HEY2: variants seen among roughly 807,000 people sequenced by gnomAD.
The protein encoded by HEY2 is hes related family bHLH transcription factor with YRPW motif 2.
A neutral mutation model predicts 18.1 loss-of-function variants in HEY2; 10 were observed. That is an observed-to-expected ratio of 0.55 (90% CI 0.34 to 0.94). The LOEUF (loss-of-function observed/expected upper bound fraction) is 0.94, where lower values mean the gene tolerates loss of function less well. Ranked by LOEUF, HEY2 falls within the 40% of genes least tolerant of loss-of-function variation. The pLI, the probability that HEY2 is intolerant of heterozygous loss-of-function variation, is 0.02. For missense variants in HEY2, 455 were observed against 455.9 expected (o/e 1.00, Z 0.02); for synonymous variants, 210 against 182.7 (o/e 1.15, Z -1.21).
At position 125,759,563 on chromosome 6, in the gene HEY2, T is replaced by C. The variant is rs1228763260; in HGVS notation, c.775T>C (p.Ser259Pro). ...GCCACCTCTCTCCACCTCTCTCTTG[T>C]CCCTCTCTGCCACCGTCCACGCCGC... Reference protein sequence around the residue: ...CVPPLSTSLLSLSATVHAAAA... With the variant: ...CVPPLSTSLLPLSATVHAAAA... The change falls in exon 5 of 5, where the codon TCC becomes CCC. Residue 259 changes from serine (S) to proline (P), a missense_variant. Coordinates refer to ENST00000368364, the MANE Select transcript of HEY2 (RefSeq NM_012259.3). 1 of 1,610,836 alleles carries C rather than the reference T, an allele frequency of 6.2e-7. No homozygotes were observed. Among genetic ancestry groups the C allele is most frequent in the South Asian group, 1.1e-5 (1 of 91,064 alleles).
Position 125,751,880 on chromosome 6 carries a change from G to A in HEY2, c.162+1G>A. ...TATGGCAAGAAAGAAAAGGAGAGGGGTATGTGATTTTTCCCCCTTTTTATT... is the reference window on the plus strand; with the variant it reads ...TATGGCAAGAAAGAAAAGGAGAGGGATATGTGATTTTTCCCCCTTTTTATT... On this transcript the variant is annotated splice_donor_variant, in intron 2 of 4. Coordinates refer to ENST00000368364, the MANE Select transcript of HEY2 (RefSeq NM_012259.3). LOFTEE classifies it high-confidence loss of function. The A allele has an allele frequency of 6.2e-7, 1 of 1,610,936 alleles. No individual in the cohort carries two copies. Among genetic ancestry groups the A allele is most frequent in the Non-Finnish European group, 8.5e-7 (1 of 1,177,430 alleles).
chr6:125,754,325 G>A (rs1004046827), intron 3 of HEY2, 140 bp from the exon 4 acceptor site: 3 of 431,002 alleles, frequency 7.0e-6, no homozygotes, highest in East Asian at 3.6e-5. Context: ...GAAAGAATTC[G>A]AAGTTTTCTG....
chr6:125,759,160 A>G lies in HEY2; in HGVS notation c.372A>G (p.Ile124Met), dbSNP rs751639135. The G allele has an allele frequency of 1.9e-6, 3 of 1,612,588 alleles. No individual in the cohort carries two copies. The highest frequency in any genetic ancestry group is 2.5e-6 in the Non-Finnish European group (3 of 1,179,314). The change falls in exon 5 of 5, where the codon ATA becomes ATG. Residue 124 changes from isoleucine to methionine, a missense_variant. Coordinates refer to ENST00000368364, the MANE Select transcript of HEY2 (RefSeq NM_012259.3). Reference sequence around the variant, plus strand: ...CTCTTGCCATGGACTTCATGAGCATAGGATTCCGAGAGTGCCTAACAGAAG... The same window carrying G: ...CTCTTGCCATGGACTTCATGAGCATGGGATTCCGAGAGTGCCTAACAGAAG... ...AHALAMDFMS[I>M]GFRECLTEVA...
At chr6:125,758,229 A>G (rs959682207) in intron 4 of HEY2, among the ~76,000 whole-genome samples, 1 of 152,236 alleles carries the variant, frequency 6.6e-6, no homozygotes, top group African/African-American at 2.4e-5. Context: ...ATCTTCAGAC[A>G]GAGACTCAGA....
Position 125,751,832 on chromosome 6 carries a change from TCTC to T in HEY2, c.117_119del (p.Pro40del). 4 of 1,613,618 alleles carry T rather than the reference TCTC, an allele frequency of 2.5e-6. No homozygotes were observed. The highest frequency in any genetic ancestry group is 2.2e-5 in the East Asian group (1 of 44,866). On this transcript the variant is annotated inframe_deletion, in exon 2 of 5. Coordinates refer to ENST00000368364, the MANE Select transcript of HEY2 (RefSeq NM_012259.3). Reference sequence around the variant, plus strand: ...TACTAGCTCTGTGATTAGATTGAATTCTCCAACAACAACATCTCAGATTATGGC... The same window carrying T: ...TACTAGCTCTGTGATTAGATTGAATTCAACAACAACATCTCAGATTATGGC...
intron 3 of HEY2, 76 bp downstream of exon 3, chr6:125,752,166 C>T (rs1031749606): frequency 1.3e-5 from 10 of 750,688 alleles, no homozygotes; most frequent in South Asian, 7.6e-5. Flanking sequence ...CAATCTGATT[C>T]GCTCATCTGG....
In HEY2 at chr6:125,751,792, A is replaced by G. The variant is rs78973595; in HGVS notation, c.84-9A>G. On this transcript the variant is annotated splice_polypyrimidine_tract_variant and intron_variant, in intron 1 of 4. Transcript: ENST00000368364. Reference sequence around the variant, plus strand: ...ATGCAGCACCTGACATACTCTTCTTATTTCATAGGCAAAGTACTAGCTCTG... The same window carrying G: ...ATGCAGCACCTGACATACTCTTCTTGTTTCATAGGCAAAGTACTAGCTCTG... 7.2e-4 allele frequency: 1,156 copies of G among 1,595,352 alleles called. 13 individuals carry two copies. In the African/African-American group the frequency reaches 0.014, roughly 20 times the overall value.
intron 4 of HEY2, among the ~76,000 whole-genome samples, chr6:125,754,810 G>C (rs1773623989): frequency 6.6e-6 from 1 of 152,168 alleles, no homozygotes; most frequent in Non-Finnish European, 1.5e-5. Context: ...ATTCACAGCA[G>C]CCTGGTCAGA....
At chr6:125,754,718 G>A (rs545701475) in intron 4 of HEY2, among the ~76,000 whole-genome samples, 172 bp downstream of exon 4, 7 of 152,262 alleles carry the variant, frequency 4.6e-5, no homozygotes, top group Non-Finnish European at 8.8e-5. Context: ...GATTGAACTC[G>A]TGGGAAAGAA....
At chr6:125,753,569 GAA>G (rs573619783) in intron 3 of HEY2, among the ~76,000 whole-genome samples, 194 of 149,280 alleles carry the variant, frequency 1.3e-3, no homozygotes, top group African/African-American at 4.4e-3. Context: ...CCTTAAAAAA[GAA>G]AAAAAAAGAG....
intron 4 of HEY2, among the ~76,000 whole-genome samples, chr6:125,755,845 C>G (rs1444516218): frequency 6.6e-6 from 1 of 152,170 alleles, no homozygotes; most frequent in African/African-American, 2.4e-5. Context: ...GTGCCTCTGA[C>G]CTAAGAAAAA....
rs897245860 is a variant in HEY2, at chr6:125,749,703, G to A, written c.-74G>A. 3 of 1,121,674 alleles carry A rather than the reference G, an allele frequency of 2.7e-6. No homozygotes were observed. Among genetic ancestry groups the A allele is most frequent in the South Asian group, 2.8e-5 (2 of 70,856 alleles). The allele number at this position is 1,121,674 out of a possible 1,614,324, so 69.5% of individuals were successfully genotyped here. ...GCCCAGGCCCGGGGAGGGAGGAGGC[G>A]GGCGTCAGGGTGCTGCGCCCCGCTC... On this transcript the variant is annotated 5_prime_UTR_variant, in exon 1 of 5. Transcript: ENST00000368364.
chr6:125,751,341 G>T (rs1253687665), intron 1 of HEY2, among the ~76,000 whole-genome samples: 1 of 152,214 alleles, frequency 6.6e-6, no homozygotes, highest in Non-Finnish European at 1.5e-5. Flanking sequence ...ACAAGAGTTT[G>T]ACGTATGACG....
intron 4 of HEY2, 59 bp downstream of exon 4, chr6:125,754,605 T>A (rs1773619668): frequency 1.1e-6 from 1 of 892,330 alleles, no homozygotes; most frequent in Non-Finnish European, 1.8e-6. Context: ...TCTTTTCATG[T>A]TATTCCCCCT....
At chr6:125,758,271 G>A (rs1773705091) in intron 4 of HEY2, among the ~76,000 whole-genome samples, 1 of 152,090 alleles carries the variant, frequency 6.6e-6, no homozygotes, top group South Asian at 2.1e-4. Flanking sequence ...CATTTTTATG[G>A]TAGTAACCAT....
intron 3 of HEY2, 92 bp downstream of exon 3, chr6:125,752,182 T>A: frequency 1.4e-6 from 1 of 720,404 alleles, no homozygotes; most frequent in South Asian, 1.6e-5. Flanking sequence ...TCTGGGAATG[T>A]GGGTTCTTGT....
chr6:125,759,207 T>A lies in HEY2; in HGVS notation c.419T>A (p.Val140Glu). 1 of 1,613,246 alleles carries A rather than the reference T, an allele frequency of 6.2e-7. No homozygotes were observed. Among genetic ancestry groups the A allele is most frequent in the Non-Finnish European group, 8.5e-7 (1 of 1,180,022 alleles). Residue 140 changes from valine to glutamate, a missense_variant, in exon 5 of 5, where the codon GTG becomes GAG. Physicochemically the swap from Val to Glu is moderately radical, Grantham distance 121 (BLOSUM62 -2). Transcript: ENST00000368364. ...LTEVARYLSS[V>E]EGLDSSDPLR... ...GAAGTTGCGCGGTACCTGAGCTCCG[T>A]GGAAGGCCTGGACTCCTCGGATCCG...
intron 4 of HEY2, among the ~76,000 whole-genome samples, chr6:125,757,548 T>A (rs1205497545): frequency 1.3e-5 from 2 of 152,240 alleles, no homozygotes; most frequent in Non-Finnish European, 2.9e-5. Flanking sequence ...GTGACTACTA[T>A]CTCCAAAGTT....
intron 4 of HEY2, among the ~76,000 whole-genome samples, chr6:125,757,095 A>G (rs994392520): frequency 2.0e-5 from 3 of 152,224 alleles, no homozygotes; most frequent in Non-Finnish European, 4.4e-5. Context: ...TGGGGCTCCA[A>G]TTCTGTTAGT....
Sources: allele counts gnomAD v4.1 joint callset (sites outside exome capture counted in the v4.1 genomes callset), GRCh38; gene constraint gnomAD v4.1.1; transcripts MANE v1.5; gene names NCBI Gene and HGNC (gene_info 2026-07-23, HGNC 2026-07-21).